The following DMPK variants were observed in gnomAD, a reference collection of about 807,000 sequenced individuals.
The protein encoded by DMPK is DM1 protein kinase, also known as myotonin-protein kinase.
A neutral mutation model predicts 70.3 loss-of-function variants in DMPK; 32 were observed. That is an observed-to-expected ratio of 0.46 (90% CI 0.34 to 0.61). The LOEUF is 0.61. Among genes scored for constraint, DMPK ranks in the 20% least tolerant of loss-of-function variants. The probability of loss-of-function intolerance (pLI) is 0.01; values close to 1 mark genes in which losing one functional copy is unlikely to be tolerated. For synonymous variants in DMPK, 469 were observed against 390.9 expected, an observed-to-expected ratio of 1.20 and a Z score of -2.36; for missense variants, 899 against 886.0, an observed-to-expected ratio of 1.01 and a Z score of -0.19.
chr19:45,779,543 CAG>C (rs748233374), intron 2 of DMPK, 21 bp from the exon 3 acceptor site: 2 of 1,613,480 alleles, frequency 1.2e-6, no homozygotes, highest in South Asian at 1.1e-5. Flanking sequence ...GATAGTGAGA[CAG>C]AGTGGAGACG....
intron 4 of DMPK, 98 bp downstream of exon 4, chr19:45,779,166 C>A (rs1168307572): frequency 7.9e-7 from 1 of 1,258,560 alleles, no homozygotes; most frequent in South Asian, 1.2e-5. Context: ...CGTTTCCGGG[C>A]AGCACCCCCA....
At chr19:45,779,030 A>T (rs1038579169) in intron 4 of DMPK, 5 of 592,556 alleles carry the variant, frequency 8.4e-6, no homozygotes, top group Non-Finnish European at 9.0e-6. Flanking sequence ...CAACAGAGAC[A>T]TCTTTATAAG....
At position 45,777,555 on chromosome 19, in the gene DMPK, G is replaced by A; in HGVS notation, c.918C>T (p.Val306=). The change falls in exon 8 of 15, where the codon GTC becomes GTT. Residue 306 remains valine (V), a synonymous_variant. Transcript: ENST00000291270. The surrounding 1 kb of genome is among the most constrained non-coding windows in gnomAD (Gnocchi z 6.7). The part of the protein sequence containing the change: ...HLSLPLVDEG[V]PEEARDFIQR... Reference sequence around the variant, plus strand: ...GAATGAAGTCTCGAGCCTCCTCAGGGACCCCTTCGTCCACCAGCGGCAGAG... The same window carrying A: ...GAATGAAGTCTCGAGCCTCCTCAGGAACCCCTTCGTCCACCAGCGGCAGAG... The A allele has an allele frequency of 6.2e-7, 1 of 1,613,664 alleles. No individual in the cohort carries two copies. The highest frequency in any genetic ancestry group is 8.5e-7 in the Non-Finnish European group (1 of 1,179,986).
chr19:45,780,302 A>G (rs1970045731), intron 1 of DMPK: 1 of 1,558,764 alleles, frequency 6.4e-7, no homozygotes, highest in Admixed American at 1.8e-5. Flanking sequence ...AACGGCCCAG[A>G]CGTGGGGTTG....
intron 4 of DMPK, 91 bp downstream of exon 4, chr19:45,779,173 C>A: frequency 7.3e-7 from 1 of 1,366,606 alleles, no homozygotes. Flanking sequence ...GGGCAGCACC[C>A]CCAATCCTAG....
intron 8 of DMPK, among the ~76,000 whole-genome samples, chr19:45,775,636 GCCT>G (rs1213458850): frequency 9.1e-6 from 1 of 109,460 alleles, no homozygotes; most frequent in Admixed American, 1.2e-4. Context: ...TCCTGCCTCA[GCCT>G]CCTGAGTAGC....
At chr19:45,781,445 G>A (rs1276844225) in intron 1 of DMPK, among the ~76,000 whole-genome samples, 1 of 152,082 alleles carries the variant, frequency 6.6e-6, no homozygotes, top group African/African-American at 2.4e-5. Flanking sequence ...TGGAGGCCCT[G>A]GGCCAGGAGA....
rs1309853590 is a variant in DMPK, at chr19:45,770,536, G to A, written c.1842C>T (p.Gly614=). The A allele has an allele frequency of 1.0e-5, 16 of 1,550,720 alleles. No individual in the cohort carries two copies. The East Asian group carries it at 3.7e-4, about 36-fold the overall frequency. The change falls in exon 15 of 15, where the codon GGC becomes GGT. Residue 614 remains glycine (G), a synonymous_variant. Transcript: ENST00000291270. ...GGCGGCGCCAGACTGCGGTGAGTTG[G>A]CCGGCGTGGGCCACCAACCCAATGC... ...LGCIGLVAHA[G]QLTAVWRRPG... is the part of the protein sequence containing the mutation.
In DMPK at chr19:45,775,049, C is replaced by G; in HGVS notation, c.1147-15G>C. ...GACAGTGTCTCCTGCGCAAGACACACAGATGTGAGCAGCAGTCGTCAGGGC... is the reference window on the plus strand; with the variant it reads ...GACAGTGTCTCCTGCGCAAGACACAGAGATGTGAGCAGCAGTCGTCAGGGC... On this transcript the variant is annotated splice_polypyrimidine_tract_variant and intron_variant, in intron 8 of 14. Transcript: ENST00000291270. 10 of 1,608,128 alleles carry G rather than the reference C, an allele frequency of 6.2e-6. No homozygotes were observed. The highest frequency in any genetic ancestry group is 7.7e-6 in the Non-Finnish European group (9 of 1,175,696).
At chr19:45,771,254 G>T in intron 13 of DMPK, 96 bp downstream of exon 13, 1 of 1,483,484 alleles carries the variant, frequency 6.7e-7, no homozygotes, top group Non-Finnish European at 9.1e-7. Context: ...AAAGACGTAG[G>T]GTGAGCCCTA....
At chr19:45,781,466 G>A (rs1970113053) in intron 1 of DMPK, among the ~76,000 whole-genome samples, 2 of 152,080 alleles carry the variant, frequency 1.3e-5, no homozygotes, top group African/African-American at 2.4e-5. Flanking sequence ...ACTAAAGGAC[G>A]CAGGGACCCG....
chr19:45,777,868 C>A lies in DMPK; in HGVS notation c.681G>T (p.Arg227=). 1 of 1,607,676 alleles carries A rather than the reference C, an allele frequency of 6.2e-7. No homozygotes were observed. Among genetic ancestry groups the A allele is most frequent in the African/African-American group, 1.3e-5 (1 of 75,048 alleles). Residue 227 remains arginine (R), a synonymous_variant, in exon 7 of 15, where the codon CGG becomes CGT. Coordinates refer to ENST00000291270, the MANE Select transcript of DMPK (RefSeq NM_004409.5). The surrounding 1 kb of genome is among the most constrained non-coding windows in gnomAD (Gnocchi z 6.7). ...CTGGGGTGCCCACAGCCACCAGCGA[C>A]CGCACCTGGACCAAAAGGAGCAGAG... is the stretch of plus-strand genomic sequence containing the variant. ...CLKLRADGTV[R]SLVAVGTPDY... is the part of the protein sequence containing the mutation.
chr19:45,770,729 A>C lies in DMPK; in HGVS notation c.1738-89T>G, dbSNP rs572410713. On this transcript the variant is annotated intron_variant, in intron 14 of 14. Coordinates refer to ENST00000291270, the MANE Select transcript of DMPK (RefSeq NM_004409.5). The stretch of plus-strand genomic sequence containing the variant: ...CGCCTACGCCCATAGGTGGGCCCGC[A>C]CTCTTCCCTGCGCCCCGCCCCCGCC... 170 of 1,408,798 alleles carry C rather than the reference A, an allele frequency of 1.2e-4. No individual in the cohort carries two copies. The African/African-American group carries it at 2.2e-3, about 18-fold the overall frequency. The allele number at this position is 1,408,798 out of a possible 1,614,324, so 87.3% of individuals were successfully genotyped here. A position where few individuals can be genotyped will look rare whatever the true frequency, so the allele number is the denominator to read the frequency against.
In DMPK at chr19:45,774,919, C is replaced by T. The variant is rs920714399; in HGVS notation, c.1232+30G>A. The T allele has an allele frequency of 2.5e-6, 4 of 1,572,180 alleles. No homozygotes were observed. The East Asian group carries it at 9.0e-5, about 35-fold the overall frequency. On this transcript the variant is annotated intron_variant, in intron 9 of 14. Transcript: ENST00000291270. ...CCAGGAAGCTCAAGCAGCCTCGTGG[C>T]CCCTGGAGGCCGTCCAGGGCAGTGC...
chr19:45,776,892 G>C (rs1288407596), intron 8 of DMPK: 2 of 168,698 alleles, frequency 1.2e-5, no homozygotes, highest in Non-Finnish European at 2.6e-5. Context: ...TGGATCCCCA[G>C]TATTGTTCAG....
Position 45,778,390 on chromosome 19 carries a change from ACCAAGAAGGT to A in DMPK, c.581+93_581+102del, listed in dbSNP as rs1460042788. ...CCCAGGCACCCCCCGGTGGGCCCCAACCAAGAAGGTCCCTCTCCAGGCCCTGGCCTCTCTG... is the reference window on the plus strand; with the variant it reads ...CCCAGGCACCCCCCGGTGGGCCCCAACCCTCTCCAGGCCCTGGCCTCTCTG... On this transcript the variant is annotated intron_variant, in intron 5 of 14. Transcript: ENST00000291270. 5 of 1,485,044 alleles carry A rather than the reference ACCAAGAAGGT, an allele frequency of 3.4e-6. No homozygotes were observed. In the African/African-American group the frequency reaches 5.6e-5, roughly 17 times the overall value. The allele number at this position is 1,485,044 out of a possible 1,614,324, so 92.0% of individuals were successfully genotyped here.
At chr19:45,779,134 C>T (rs755809532) in intron 4 of DMPK, 130 bp downstream of exon 4, 30 of 915,134 alleles carry the variant, frequency 3.3e-5, no homozygotes, top group Non-Finnish European at 4.4e-5. Flanking sequence ...ACCCTCTTAC[C>T]GCACACAGAC....
rs1365876680 is a variant in DMPK, at chr19:45,776,122, G to A, written c.1147-1088C>T. On this transcript the variant is annotated intron_variant, in intron 8 of 14. Coordinates refer to ENST00000291270, the MANE Select transcript of DMPK (RefSeq NM_004409.5). ...CAGGCATGAGCCACAGCGCCCGGCCGCGGTCCAGCCTATTTTTTTTTTTTT... is the reference window on the plus strand; with the variant it reads ...CAGGCATGAGCCACAGCGCCCGGCCACGGTCCAGCCTATTTTTTTTTTTTT... Among the ~76,000 whole-genome samples, 9 of 89,388 alleles carry A rather than the reference G, an allele frequency of 1.0e-4. 3 individuals are homozygous for A. The highest frequency in any genetic ancestry group is 3.2e-4 in the African/African-American group (8 of 25,068). The allele number at this position is 89,388 out of a possible 152,430, so 58.6% of individuals were successfully genotyped here. A position where few individuals can be genotyped will look rare whatever the true frequency, so the allele number is the denominator to read the frequency against.
Position 45,771,620 on chromosome 19 carries a change from G to C in DMPK, c.1548C>G (p.His516Gln), listed in dbSNP as rs1228707249. The C allele has an allele frequency of 1.2e-6, 2 of 1,613,906 alleles. No individual in the cohort carries two copies. The highest frequency in any genetic ancestry group is 8.5e-7 in the Non-Finnish European group (1 of 1,179,960). ...CCATCCGCTCCTGCAACTGCCGGAC[G>C]TGTGCCTCTAGGTCCCGGTTCCGAG... ...AEARNRDLEA[H>Q]VRQLQERMEL... is the part of the protein sequence containing the mutation. Residue 516 changes from histidine to glutamine, a missense_variant, in exon 12 of 15, where the codon CAC (histidine) becomes CAG (glutamine). His to Gln is a conservative substitution (Grantham distance 24, BLOSUM62 0). Transcript: ENST00000291270.
Sources: allele counts gnomAD v4.1 joint callset (sites outside exome capture counted in the v4.1 genomes callset), GRCh38; gene constraint gnomAD v4.1.1; non-coding constraint Gnocchi (gnomAD v3.1); transcripts MANE v1.5; gene names NCBI Gene and HGNC (gene_info 2026-07-23, HGNC 2026-07-21).